The following SPECC1 variants were observed in gnomAD, a reference collection of about 807,000 sequenced individuals.
SPECC1 encodes the protein cytospin-B.
SPECC1 carries 62 observed loss-of-function variants against 104.1 expected under a neutral mutation model. That is an observed-to-expected ratio of 0.60 (90% CI 0.49 to 0.74). The LOEUF (loss-of-function observed/expected upper bound fraction) is 0.74. Ranked by LOEUF, SPECC1 falls within the 30% of genes least tolerant of loss-of-function variation. The probability of loss-of-function intolerance (pLI) is 0.00; values close to 1 mark genes in which losing one functional copy is unlikely to be tolerated. For synonymous variants in SPECC1, 513 were observed against 501.6 expected, an observed-to-expected ratio of 1.02 and a Z score of -0.30; for missense variants, 1,306 against 1,310.5, an observed-to-expected ratio of 1.00 and a Z score of 0.05.
At chr17:20,304,823 A>G (rs1567622094) in intron 13 of SPECC1, among the ~76,000 whole-genome samples, 1 of 152,200 alleles carries the variant, frequency 6.6e-6, no homozygotes, top group East Asian at 1.9e-4. Context: ...GCCAGGGTCC[A>G]ACTATGAGGC....
chr17:20,215,710 G>A (rs181277614), intron 4 of SPECC1, among the ~76,000 whole-genome samples: 6 of 152,282 alleles, frequency 3.9e-5, no homozygotes, highest in Admixed American at 1.3e-4. Flanking sequence ...TGTTTGAGCC[G>A]CATTTTGTCT....
chr17:20,075,256 A>G (rs1319926147), intron 1 of SPECC1, among the ~76,000 whole-genome samples: 2 of 152,130 alleles, frequency 1.3e-5, no homozygotes, highest in African/African-American at 4.8e-5. Context: ...CTCTCACTGT[A>G]CAACATCATC....
chr17:20,046,021 A>G (rs2152457096), intron 1 of SPECC1, among the ~76,000 whole-genome samples: 1 of 152,208 alleles, frequency 6.6e-6, no homozygotes, highest in East Asian at 1.9e-4. Context: ...CTAAAAAAAA[A>G]AAAAACCATT....
At chr17:20,186,585 C>T (rs2035294906) in intron 3 of SPECC1, among the ~76,000 whole-genome samples, 2 of 152,222 alleles carry the variant, frequency 1.3e-5, no homozygotes, top group Admixed American at 6.5e-5. Flanking sequence ...GCTTATGAGA[C>T]AGGGTCTCAC....
chr17:20,040,290 C>T (rs903910446), intron 1 of SPECC1, among the ~76,000 whole-genome samples: 1 of 152,056 alleles, frequency 6.6e-6, no homozygotes, highest in African/African-American at 2.4e-5. Context: ...ATTTATAATT[C>T]TCTGCATACA....
intron 7 of SPECC1, chr17:20,238,120 C>G (rs748709571): frequency 9.7e-7 from 1 of 1,029,214 alleles, no homozygotes; most frequent in Non-Finnish European, 1.2e-6. Context: ...TGCCTCCAAG[C>G]TTTGGGTTGA....
intron 1 of SPECC1, among the ~76,000 whole-genome samples, chr17:20,051,133 TTTCTTTCCTTCTTTCC>T (rs11268344): frequency 1.6e-3 from 67 of 40,894 alleles, no homozygotes; most frequent in African/African-American, 4.7e-3. Flanking sequence ...TCTTTCTTTC[TTTCTTTCCTTCTTTCC>T]TTCTTTCCTT....
At chr17:20,148,951 C>T (rs1374210826) in intron 3 of SPECC1, among the ~76,000 whole-genome samples, 3 of 152,076 alleles carry the variant, frequency 2.0e-5, no homozygotes, top group Non-Finnish European at 2.9e-5. Flanking sequence ...AAACTCCTGA[C>T]CTCAGGCAAT....
At chr17:20,193,815 G>A (rs2035826829) in intron 3 of SPECC1, among the ~76,000 whole-genome samples, 1 of 152,196 alleles carries the variant, frequency 6.6e-6, no homozygotes, top group South Asian at 2.1e-4. Flanking sequence ...ATATAGGGTT[G>A]TTAGCTGATT....
intron 12 of SPECC1, among the ~76,000 whole-genome samples, chr17:20,287,755 T>TG (rs907779595): frequency 4.6e-5 from 7 of 152,124 alleles, no homozygotes; most frequent in African/African-American, 9.6e-5. Flanking sequence ...TAGCTTTTTT[T>TG]TTTTGTTTTA....
chr17:20,152,644 T>C (rs2032114287), intron 3 of SPECC1, among the ~76,000 whole-genome samples: 1 of 152,128 alleles, frequency 6.6e-6, no homozygotes, highest in African/African-American at 2.4e-5. Flanking sequence ...AAAGATCTCT[T>C]CCTCTTCTTT....
intron 9 of SPECC1, among the ~76,000 whole-genome samples, chr17:20,248,406 T>C (rs2039504105): frequency 1.3e-5 from 2 of 152,154 alleles, no homozygotes; most frequent in South Asian, 4.1e-4. Flanking sequence ...CGTCTTGAGA[T>C]CTTCTACAAA....
chr17:20,199,897 C>A (rs1048262404), intron 3 of SPECC1, among the ~76,000 whole-genome samples: 1 of 152,180 alleles, frequency 6.6e-6, no homozygotes, highest in East Asian at 1.9e-4. Context: ...TTAAGTGATT[C>A]TCTTGCCTCA....
rs545373343 is a variant in SPECC1, at chr17:20,101,644, G to A, written c.147+4846G>A. 9.8e-5 allele frequency among the ~76,000 whole-genome samples: 15 copies of A among 152,288 alleles called. No homozygotes were observed. In the South Asian group the frequency reaches 2.5e-3, roughly 25 times the overall value. ...GAAGAGAACCTGCAGTGTCATTTGC[G>A]AGGCCCAGGTCTATTAATTGGGGTC... On this transcript the variant is annotated intron_variant, in intron 2 of 14. Transcript: ENST00000395527.
chr17:20,284,651 C>T (rs147098222), intron 12 of SPECC1, among the ~76,000 whole-genome samples: 280 of 152,364 alleles, frequency 1.8e-3, no homozygotes, highest in Middle Eastern at 6.8e-3. Context: ...CCTCCCTGGG[C>T]TTTTATTGCA....
chr17:20,311,106 T>G (rs1021606885), intron 14 of SPECC1, among the ~76,000 whole-genome samples: 16 of 151,232 alleles, frequency 1.1e-4, no homozygotes, highest in Non-Finnish European at 2.1e-4. Context: ...GTGGGGTTTT[T>G]TTTTTTTTTT....
In SPECC1 at chr17:20,227,391, A is replaced by G. The variant is rs1462578672; in HGVS notation, c.1864-22A>G. On this transcript the variant is annotated intron_variant, in intron 4 of 14. Coordinates refer to ENST00000395527, the MANE Select transcript of SPECC1 (RefSeq NM_001243439.2). ...GAATTTTTTTGTTGTTAACTGACCA[A>G]GGAACCTTCCTTTTATTTTAGGTGG... 6 of 1,603,862 alleles carry G rather than the reference A, an allele frequency of 3.7e-6. No homozygotes were observed. The South Asian group carries it at 5.6e-5, about 15-fold the overall frequency.
At chr17:20,240,437 A>G (rs1329797277) in intron 7 of SPECC1, among the ~76,000 whole-genome samples, 1 of 151,848 alleles carries the variant, frequency 6.6e-6, no homozygotes, top group Non-Finnish European at 1.5e-5. Flanking sequence ...AGAAAATTTT[A>G]TATTTTTATG....
At chr17:20,162,038 G>A (rs959603504) in intron 3 of SPECC1, among the ~76,000 whole-genome samples, 5 of 151,836 alleles carry the variant, frequency 3.3e-5, no homozygotes, top group South Asian at 2.1e-4. Flanking sequence ...CAGGTGATCC[G>A]CCCACCTGGG....
Sources: gnomAD v4.1 joint callset for allele counts (sites outside exome capture counted in the v4.1 genomes callset) on GRCh38, gnomAD v4.1.1 for gene constraint, MANE v1.5 for transcripts, NCBI Gene and HGNC (gene_info 2026-07-23, HGNC 2026-07-21) for gene names.